The following GRIP1 variants were observed in gnomAD, a reference collection of about 807,000 sequenced individuals.
The protein encoded by GRIP1 is glutamate receptor interacting protein 1.
Under a neutral mutation model 129.9 loss-of-function variants are expected in GRIP1, and 45 were observed. That is an observed-to-expected ratio of 0.35 (90% CI 0.27 to 0.44). GRIP1 has a LOEUF of 0.44. GRIP1 is among the 20% of genes least tolerant of loss of function. GRIP1 has a pLI of 1.00. For missense variants in GRIP1, 1,196 were observed against 1,396.8 expected, an observed-to-expected ratio of 0.86 and a Z score of 2.29; for synonymous variants, 530 against 520.8, an observed-to-expected ratio of 1.02 and a Z score of -0.24.
chr12:66,646,233 T>A (rs576185730), intron 1 of GRIP1, among the ~76,000 whole-genome samples: 1 of 152,260 alleles, frequency 6.6e-6, no homozygotes, highest in East Asian at 1.9e-4. Flanking sequence ...TCTCCCTTTA[T>A]GTTTTATGTA....
intron 1 of GRIP1, among the ~76,000 whole-genome samples, chr12:66,656,518 T>C (rs1440703917): frequency 1.3e-5 from 2 of 152,174 alleles, no homozygotes; most frequent in Non-Finnish European, 2.9e-5. Flanking sequence ...CCAAGACCAA[T>C]TGTCTCTTAC....
intron 1 of GRIP1, among the ~76,000 whole-genome samples, chr12:66,761,882 T>C (rs1322196348): frequency 1.3e-5 from 2 of 152,162 alleles, no homozygotes; most frequent in African/African-American, 4.8e-5. Context: ...AGGAAAAGCA[T>C]GGATTCTGTA....
intron 2 of GRIP1, among the ~76,000 whole-genome samples, chr12:66,551,540 T>C (rs1447973483): frequency 6.6e-6 from 1 of 151,852 alleles, no homozygotes; most frequent in African/African-American, 2.4e-5. Context: ...TATTTTTGCA[T>C]GTATTTTTGG....
intron 1 of GRIP1, among the ~76,000 whole-genome samples, chr12:66,836,656 G>A (rs561698406): frequency 1.3e-5 from 2 of 152,250 alleles, no homozygotes; most frequent in South Asian, 4.2e-4. Flanking sequence ...TCACTAGAAG[G>A]ATGAAAGACT....
At chr12:66,697,024 A>T (rs1369426802) in intron 1 of GRIP1, among the ~76,000 whole-genome samples, 1 of 152,170 alleles carries the variant, frequency 6.6e-6, no homozygotes, top group Non-Finnish European at 1.5e-5. Context: ...TACAACAGTG[A>T]AGTTTCAAAC....
intron 1 of GRIP1, among the ~76,000 whole-genome samples, chr12:66,902,226 T>C (rs569252717): frequency 6.6e-6 from 1 of 152,322 alleles, no homozygotes; most frequent in African/African-American, 2.4e-5. Context: ...TCCCCAGACT[T>C]CTTTCCCACT....
At chr12:66,655,486 C>T (rs1199435138) in intron 1 of GRIP1, among the ~76,000 whole-genome samples, 1 of 152,154 alleles carries the variant, frequency 6.6e-6, no homozygotes, top group Non-Finnish European at 1.5e-5. Flanking sequence ...CTCATTATCA[C>T]CCAAAGTCCA....
At chr12:66,504,944 G>C (rs773438131) in intron 7 of GRIP1, among the ~76,000 whole-genome samples, 9 of 152,044 alleles carry the variant, frequency 5.9e-5, no homozygotes, top group Non-Finnish European at 8.8e-5. Flanking sequence ...CCAACTACTG[G>C]CATTTCTTTT....
intron 1 of GRIP1, among the ~76,000 whole-genome samples, chr12:66,827,413 A>AGAGAGAGAGC (rs879461540): frequency 6.6e-6 from 1 of 150,888 alleles, no homozygotes; most frequent in Non-Finnish European, 1.5e-5. Flanking sequence ...AGAGAGAGAG[A>AGAGAGAGAGC]GAGCGCACAA....
chr12:66,844,382 C>G (rs552575861), intron 1 of GRIP1, among the ~76,000 whole-genome samples: 9 of 152,132 alleles, frequency 5.9e-5, no homozygotes, highest in Non-Finnish European at 8.8e-5. Context: ...CAAATCAAAA[C>G]CATGAGATAC....
chr12:66,397,221 G>T (rs1395417283), intron 16 of GRIP1, among the ~76,000 whole-genome samples: 1 of 149,230 alleles, frequency 6.7e-6, no homozygotes, highest in Non-Finnish European at 1.5e-5. Flanking sequence ...TTATAAAAAG[G>T]TATCTATTGG....
chr12:66,821,809 G>A (rs2039324059), intron 1 of GRIP1, among the ~76,000 whole-genome samples: 1 of 152,096 alleles, frequency 6.6e-6, no homozygotes, highest in South Asian at 2.1e-4. Context: ...ATCAGAATAG[G>A]GATGGTGATT....
At chr12:67,024,582 T>TA (rs559821927) in intron 1 of GRIP1, among the ~76,000 whole-genome samples, 51 of 148,990 alleles carry the variant, frequency 3.4e-4, no homozygotes, top group Non-Finnish European at 4.8e-4. Context: ...AAGTGACTAC[T>TA]AAAAAAAAAA....
At chr12:66,954,117 T>G (rs1318936918) in intron 1 of GRIP1, among the ~76,000 whole-genome samples, 1 of 152,180 alleles carries the variant, frequency 6.6e-6, no homozygotes, top group African/African-American at 2.4e-5. Context: ...CTTTATCACC[T>G]CTCATACTTT....
chr12:66,479,736 T>G (rs1333478895), intron 7 of GRIP1, among the ~76,000 whole-genome samples: 9 of 152,188 alleles, frequency 5.9e-5, no homozygotes, highest in Non-Finnish European at 1.2e-4. Context: ...CAAGTAGGCT[T>G]CATCCCTGGA....
intron 19 of GRIP1, among the ~76,000 whole-genome samples, chr12:66,383,071 T>G (rs1435063216): frequency 6.6e-6 from 1 of 151,854 alleles, no homozygotes; most frequent in Non-Finnish European, 1.5e-5. Context: ...CTGAGGCAGG[T>G]GGACCACCTG....
intron 1 of GRIP1, among the ~76,000 whole-genome samples, chr12:67,050,283 G>A (rs1432720064): frequency 6.6e-6 from 1 of 151,900 alleles, no homozygotes; most frequent in Admixed American, 6.6e-5. Context: ...TTGCCCTAAG[G>A]GGATTCTTCA....
chr12:66,827,417 C>CGAGT (rs2039438558), intron 1 of GRIP1, among the ~76,000 whole-genome samples: 1 of 120,202 alleles, frequency 8.3e-6, no homozygotes, highest in Non-Finnish European at 1.9e-5. Context: ...AGAGAGAGAG[C>CGAGT]GCACAAGACA....
intron 1 of GRIP1, among the ~76,000 whole-genome samples, chr12:66,844,245 A>G (rs138477073): frequency 1.3e-5 from 2 of 152,274 alleles, no homozygotes; most frequent in African/African-American, 2.4e-5. Context: ...CCTACAACTC[A>G]ACAACAAAAA....
Sources: allele counts gnomAD v4.1 joint callset (sites outside exome capture counted in the v4.1 genomes callset), GRCh38; gene constraint gnomAD v4.1.1; transcripts MANE v1.5; gene names NCBI Gene and HGNC (gene_info 2026-07-23, HGNC 2026-07-21).